Variants in WDR11 observed in about 807,000 individuals in gnomAD.
WDR11 encodes WD repeat domain 11.
In WDR11, 83 loss-of-function variants were observed where a neutral mutation model predicts 151.2. The observed-to-expected ratio is 0.55, with a 90% CI of 0.46 to 0.66. The LOEUF (loss-of-function observed/expected upper bound fraction) is 0.66. WDR11 is among the 30% of genes least tolerant of loss of function. The pLI, the probability that WDR11 is intolerant of heterozygous loss-of-function variation, is 0.00. For missense variants in WDR11, 1,301 were observed against 1,480.9 expected, an observed-to-expected ratio of 0.88 and a Z score of 1.99; for synonymous variants, 484 against 533.1, an observed-to-expected ratio of 0.91 and a Z score of 1.27.
At chr10:120,887,193 T>C (rs1358923066) in intron 16 of WDR11, among the ~76,000 whole-genome samples, 1 of 152,196 alleles carries the variant, frequency 6.6e-6, no homozygotes, top group Non-Finnish European at 1.5e-5. Context: ...TCAGTATCTG[T>C]CTTCTTTCCA....
intron 19 of WDR11, among the ~76,000 whole-genome samples, chr10:120,892,290 A>T (rs569316611): frequency 1.3e-5 from 2 of 152,030 alleles, no homozygotes; most frequent in African/African-American, 4.8e-5. Context: ...TTCTTTTAAA[A>T]TTTTTCTGAT....
chr10:120,906,791 T>C lies in WDR11; in HGVS notation c.3453T>C (p.Asp1151=), dbSNP rs1848072014. Residue 1151 remains aspartate, a synonymous_variant, in exon 28 of 29, where the codon GAT becomes GAC. Coordinates refer to ENST00000263461, the MANE Select transcript of WDR11 (RefSeq NM_018117.12). ...TGTTGAGCAGCATGAGATACTTTGA[T>C]AGAGCAGCCTTATTTGTGGAAGCTT... The part of the protein sequence containing the change: ...AETLHSMRYF[D]RAALFVEACL... The C allele has an allele frequency of 6.2e-7, 1 of 1,614,094 alleles. No individual in the cohort carries two copies. Among genetic ancestry groups the C allele is most frequent in the African/African-American group, 1.3e-5 (1 of 74,940 alleles).
In WDR11 at chr10:120,904,741, C is replaced by T. The variant is rs747712624; in HGVS notation, c.3123C>T (p.Thr1041=). The change falls in exon 25 of 29, where the codon ACC becomes ACT. Residue 1041 remains threonine (T), a synonymous_variant. Transcript: ENST00000263461. ...SLKACLVTTV[T]SSGPSQSTIK... ...AAGCCTGTTTAGTCACTACTGTCAC[C>T]TCGTCAGGCCCCTCTCAGAGCACCA... The T allele has an allele frequency of 1.2e-6, 2 of 1,614,118 alleles. No individual in the cohort carries two copies. The highest frequency in any genetic ancestry group is 2.7e-5 in the African/African-American group (2 of 75,010).
Position 120,885,861 on chromosome 10 carries a change from T to TG in WDR11, c.1897dup (p.Ala633GlyfsTer21), listed in dbSNP as rs1847198011. 1.2e-6 allele frequency: 2 copies of TG among 1,613,832 alleles called. No individual in the cohort carries two copies. Among genetic ancestry groups the TG allele is most frequent in the Non-Finnish European group, 1.7e-6 (2 of 1,179,808 alleles). ...TGAAGAGCCTGAGAAAGAAGCAACT[T>TG]GCAACTCGAGAGGCCATGGCCCGCC... On this transcript the variant is annotated frameshift_variant, in exon 15 of 29. Coordinates refer to ENST00000263461, the MANE Select transcript of WDR11 (RefSeq NM_018117.12). LOFTEE classifies it high-confidence loss of function.
chr10:120,886,249 T>G (rs1392797079), intron 15 of WDR11, among the ~76,000 whole-genome samples: 1 of 152,116 alleles, frequency 6.6e-6, no homozygotes, highest in African/African-American at 2.4e-5. Flanking sequence ...CAAATGAACA[T>G]AGCATAGACA....
intron 15 of WDR11, 30 bp downstream of exon 15, chr10:120,885,968 T>C: frequency 6.2e-7 from 1 of 1,611,744 alleles, no homozygotes. Flanking sequence ...GACACTGTCA[T>C]TTGTGCCATT....
intron 10 of WDR11, among the ~76,000 whole-genome samples, chr10:120,873,610 C>G (rs1846625494): frequency 6.6e-6 from 1 of 152,120 alleles, no homozygotes; most frequent in African/African-American, 2.4e-5. Flanking sequence ...AAAATCTATT[C>G]CTGGAATTAG....
intron 1 of WDR11, 167 bp from the exon 2 acceptor site, chr10:120,852,357 C>T (rs1845809138): frequency 1.6e-6 from 1 of 627,982 alleles, no homozygotes; most frequent in African/African-American, 1.8e-5. Flanking sequence ...TAAGCTTAGC[C>T]AGATCTTTTA....
chr10:120,908,507 A>G (rs775063588), intron 28 of WDR11, 49 bp from the exon 29 acceptor site: 7 of 1,598,924 alleles, frequency 4.4e-6, no homozygotes. Flanking sequence ...GCCTGTGAAG[A>G]GTCTCATCAC....
intron 17 of WDR11, 180 bp from the exon 18 acceptor site, chr10:120,889,715 C>T: frequency 1.6e-6 from 1 of 625,822 alleles, no homozygotes; most frequent in Non-Finnish European, 2.9e-6. Flanking sequence ...CTGCAGAAGT[C>T]TTAGCTGACC....
intron 19 of WDR11, 143 bp from the exon 20 acceptor site, chr10:120,899,886 C>A: frequency 4.3e-6 from 3 of 691,486 alleles, no homozygotes; most frequent in Middle Eastern, 3.7e-4. Context: ...GTTTCCTAAG[C>A]GGTGACTACA....
intron 25 of WDR11, 35 bp from the exon 26 acceptor site, chr10:120,905,284 A>G (rs371137978): frequency 6.3e-7 from 1 of 1,598,776 alleles, no homozygotes; most frequent in Admixed American, 1.7e-5. Context: ...AAGGAGCTGC[A>G]GTGTCACTTA....
chr10:120,899,776 T>C, intron 19 of WDR11: 1 of 483,008 alleles, frequency 2.1e-6, no homozygotes, highest in Non-Finnish European at 3.7e-6. Context: ...GAGCGAGGCT[T>C]TGTCTCAAAA....
intron 12 of WDR11, among the ~76,000 whole-genome samples, chr10:120,878,797 A>AG (rs905415830): frequency 1.3e-5 from 2 of 152,310 alleles, no homozygotes; most frequent in African/African-American, 4.8e-5. Flanking sequence ...GGACTTTATT[A>AG]GAGTCTGTGC....
Position 120,863,863 on chromosome 10 carries a change from T to C in WDR11, c.713+942T>C, listed in dbSNP as rs181148228. Among the ~76,000 whole-genome samples the C allele has an allele frequency of 9.8e-5, 15 of 152,292 alleles. No homozygotes were observed. The East Asian group carries it at 2.7e-3, about 27-fold the overall frequency. On this transcript the variant is annotated intron_variant, in intron 5 of 28. Coordinates refer to ENST00000263461, the MANE Select transcript of WDR11 (RefSeq NM_018117.12). The stretch of plus-strand genomic sequence containing the variant: ...TAAGCCATAGGCTGGTTAAGTTCAC[T>C]AGTTAATTTATCTCTCACCCTGTGC...
intron 18 of WDR11, 104 bp downstream of exon 18, chr10:120,890,113 G>A: frequency 1.3e-6 from 1 of 789,210 alleles, no homozygotes; most frequent in Non-Finnish European, 2.2e-6. Flanking sequence ...AGTACTTAAT[G>A]AGTTCGTCAA....
intron 19 of WDR11, among the ~76,000 whole-genome samples, 161 bp downstream of exon 19, chr10:120,891,048 C>T (rs1459863617): frequency 6.6e-6 from 1 of 152,188 alleles, no homozygotes; most frequent in Non-Finnish European, 1.5e-5. Context: ...AGTGTTTTTA[C>T]TGCTGAGATG....
At position 120,906,549 on chromosome 10, in the gene WDR11, C is replaced by A. The variant is rs1848054123; in HGVS notation, c.3438-227C>A. 2.2e-6 allele frequency: 3 copies of A among 1,394,892 alleles called. No homozygotes were observed. The Admixed American group carries it at 8.7e-5, about 41-fold the overall frequency. 86.4% of individuals were successfully genotyped at this position (1,394,892 alleles called of 1,614,324 possible). ...CTCTGTAGATTTTTGTGTATTTAAA[C>A]TATTTCACAATTTTTTAAAGTATTA... is the stretch of plus-strand genomic sequence containing the variant. On this transcript the variant is annotated intron_variant, in intron 27 of 28. Coordinates refer to ENST00000263461, the MANE Select transcript of WDR11 (RefSeq NM_018117.12).
chr10:120,904,175 T>C (rs1417125800), intron 24 of WDR11, 33 bp downstream of exon 24: 1 of 1,480,788 alleles, frequency 6.8e-7, no homozygotes. Context: ...ACATGCTTCA[T>C]TAAATTGCTA....
Sources: allele counts gnomAD v4.1 joint callset (sites outside exome capture counted in the v4.1 genomes callset), GRCh38; gene constraint gnomAD v4.1.1; transcripts MANE v1.5; gene names NCBI Gene and HGNC (gene_info 2026-07-23, HGNC 2026-07-21).